The following GALNT13 variants were observed in gnomAD, a reference collection of about 807,000 sequenced individuals.
GALNT13 encodes the protein UDP-GalNAc:polypeptide N-acetylgalactosaminyltransferase 13.
GALNT13 carries 28 observed loss-of-function variants against 64.2 expected under a neutral mutation model. The ratio of observed to expected loss-of-function variants is 0.44; its 90% CI spans 0.32 to 0.60. GALNT13 has a LOEUF of 0.60. Ranked by LOEUF, GALNT13 falls within the 20% of genes least tolerant of loss-of-function variation. The pLI, the probability that GALNT13 is intolerant of heterozygous loss-of-function variation, is 0.05. For synonymous variants in GALNT13, 214 were observed against 224.6 expected, an observed-to-expected ratio of 0.95 and a Z score of 0.42; for missense variants, 577 against 669.8, an observed-to-expected ratio of 0.86 and a Z score of 1.53.
chr2:153,931,573 T>C (rs1690520976), intron 2 of GALNT13, among the ~76,000 whole-genome samples: 1 of 152,190 alleles, frequency 6.6e-6, no homozygotes. Flanking sequence ...TGTTGAATTT[T>C]ATTGAAAACT....
intron 9 of GALNT13, among the ~76,000 whole-genome samples, chr2:154,343,750 T>C (rs1375911176): frequency 6.6e-6 from 1 of 152,090 alleles, no homozygotes; most frequent in Non-Finnish European, 1.5e-5. Flanking sequence ...ACTACTGATA[T>C]AATCAGAAAA....
chr2:153,227,503 A>T, the GALNT13 span, among the ~76,000 whole-genome samples: 2 of 152,306 alleles, frequency 1.3e-5, no homozygotes, highest in African/African-American at 4.8e-5. Flanking sequence ...GGCTGATGCT[A>T]GGGGTTGGCA....
At chr2:153,216,881 G>T in the GALNT13 span, among the ~76,000 whole-genome samples, 1 of 151,790 alleles carries the variant, frequency 6.6e-6, no homozygotes, top group Non-Finnish European at 1.5e-5. Context: ...CCTGATCCAA[G>T]ATCACAATTA....
At chr2:153,134,027 C>T in the GALNT13 span, among the ~76,000 whole-genome samples, 2 of 152,286 alleles carry the variant, frequency 1.3e-5, no homozygotes, top group African/African-American at 4.8e-5. Context: ...TACTGATGGC[C>T]TGTGGCTTCT....
At chr2:153,963,579 A>T (rs1693088608) in intron 3 of GALNT13, among the ~76,000 whole-genome samples, 1 of 152,150 alleles carries the variant, frequency 6.6e-6, no homozygotes, top group Admixed American at 6.5e-5. Flanking sequence ...ATCCTTGCCA[A>T]CACATCATAG....
At chr2:153,322,978 T>C in the GALNT13 span, among the ~76,000 whole-genome samples, 159 of 152,286 alleles carry the variant, frequency 1.0e-3, no homozygotes, top group African/African-American at 3.7e-3. Flanking sequence ...TGTGTCTTTA[T>C]AGTAGAATGA....
chr2:153,415,273 T>C, the GALNT13 span, among the ~76,000 whole-genome samples: 4 of 152,182 alleles, frequency 2.6e-5, no homozygotes, highest in Non-Finnish European at 5.9e-5. Flanking sequence ...GGATGCCAAT[T>C]GGTGGAGCCA....
the GALNT13 span, among the ~76,000 whole-genome samples, chr2:153,376,295 C>T: frequency 3.3e-5 from 5 of 152,148 alleles, no homozygotes; most frequent in Admixed American, 3.3e-4. Context: ...GACTTGAGAA[C>T]TTAAACATCG....
the GALNT13 span, among the ~76,000 whole-genome samples, chr2:153,628,876 G>C: frequency 6.6e-6 from 1 of 152,104 alleles, no homozygotes; most frequent in Admixed American, 6.6e-5. Context: ...GAGTTAGGGA[G>C]GATTCCTTCT....
intron 2 of GALNT13, among the ~76,000 whole-genome samples, chr2:153,921,130 A>C (rs1689727997): frequency 6.6e-6 from 1 of 152,178 alleles, no homozygotes; most frequent in South Asian, 2.1e-4. Flanking sequence ...TTGAGTATAT[A>C]TCCAAAAGAA....
the GALNT13 span, among the ~76,000 whole-genome samples, chr2:153,113,897 C>A: frequency 6.6e-6 from 1 of 152,050 alleles, no homozygotes; most frequent in Non-Finnish European, 1.5e-5. Flanking sequence ...TGATTTAATC[C>A]TGTGTGCTTT....
intron 4 of GALNT13, among the ~76,000 whole-genome samples, chr2:154,191,540 C>T (rs1686579457): frequency 6.6e-6 from 1 of 152,164 alleles, no homozygotes; most frequent in Non-Finnish European, 1.5e-5. Context: ...TGTAATCAAC[C>T]TGAGTAATCC....
At chr2:153,343,971 A>G in the GALNT13 span, among the ~76,000 whole-genome samples, 1 of 152,144 alleles carries the variant, frequency 6.6e-6, no homozygotes, top group Non-Finnish European at 1.5e-5. Flanking sequence ...ATATAAAAGT[A>G]TTATCTTATG....
chr2:154,150,968 T>C (rs1353998253), intron 4 of GALNT13, among the ~76,000 whole-genome samples: 1 of 152,112 alleles, frequency 6.6e-6, no homozygotes, highest in Non-Finnish European at 1.5e-5. Flanking sequence ...TTGCCTTCTG[T>C]TAGCTTTTGA....
intron 8 of GALNT13, among the ~76,000 whole-genome samples, chr2:154,270,295 T>A (rs1256372301): frequency 6.6e-6 from 1 of 151,928 alleles, no homozygotes; most frequent in Non-Finnish European, 1.5e-5. Flanking sequence ...ACATTCAATT[T>A]GGAGACATGC....
intron 9 of GALNT13, among the ~76,000 whole-genome samples, chr2:154,303,918 C>T (rs528162859): frequency 1.8e-4 from 27 of 152,014 alleles, no homozygotes; most frequent in African/African-American, 6.5e-4. Flanking sequence ...CCACCATGGC[C>T]GGCTAATTTT....
intron 10 of GALNT13, among the ~76,000 whole-genome samples, chr2:154,405,212 G>A (rs1349047933): frequency 1.3e-5 from 2 of 151,932 alleles, no homozygotes; most frequent in Non-Finnish European, 2.9e-5. Flanking sequence ...TATAATGCAG[G>A]AAAGAATTAG....
the GALNT13 span, among the ~76,000 whole-genome samples, chr2:153,294,339 A>T: frequency 4.0e-4 from 61 of 152,308 alleles, no homozygotes; most frequent in Middle Eastern, 0.02. Context: ...AGCTGAGTTC[A>T]GTGCAAGATT....
the GALNT13 span, among the ~76,000 whole-genome samples, chr2:153,152,246 C>T: frequency 6.6e-6 from 1 of 152,030 alleles, no homozygotes; most frequent in Non-Finnish European, 1.5e-5. Flanking sequence ...TAGCAAATCT[C>T]ATGAAGGAAA....
Sources: allele counts gnomAD v4.1 joint callset (sites outside exome capture counted in the v4.1 genomes callset), GRCh38; gene constraint gnomAD v4.1.1; transcripts MANE v1.5; gene names NCBI Gene and HGNC (gene_info 2026-07-23, HGNC 2026-07-21).